The following SRGAP3 variants were observed in gnomAD, a reference collection of about 807,000 sequenced individuals.
The protein encoded by SRGAP3 is SLIT-ROBO Rho GTPase-activating protein 3.
Under a neutral mutation model 121.1 loss-of-function variants are expected in SRGAP3, and 39 were observed. The ratio of observed to expected loss-of-function variants is 0.32; its 90% CI spans 0.25 to 0.42. SRGAP3 has a LOEUF of 0.42. SRGAP3 is among the 10% of genes least tolerant of loss of function. The pLI is 1.00. For missense variants in SRGAP3, 1,213 were observed against 1,470.6 expected, an observed-to-expected ratio of 0.82 and a Z score of 2.86; for synonymous variants, 601 against 570.0, an observed-to-expected ratio of 1.05 and a Z score of -0.77.
intron 2 of SRGAP3, among the ~76,000 whole-genome samples, chr3:9,330,086 C>G (rs1454253255): frequency 6.6e-6 from 1 of 152,158 alleles, no homozygotes; most frequent in African/African-American, 2.4e-5. Context: ...ACTCAGTTTT[C>G]CAGAAATTAA....
At chr3:8,992,575 G>A (rs1942120712) in intron 20 of SRGAP3, 2 of 451,810 alleles carry the variant, frequency 4.4e-6, no homozygotes, top group Non-Finnish European at 8.2e-6. Context: ...ACAACAGAAA[G>A]CTGGAAGGAG....
chr3:9,158,580 T>G (rs993236471), intron 1 of SRGAP3, among the ~76,000 whole-genome samples: 1 of 152,142 alleles, frequency 6.6e-6, no homozygotes, highest in African/African-American at 2.4e-5. Flanking sequence ...AATTATCCCA[T>G]ATCACCTGCA....
chr3:9,073,357 CT>C (rs1247159373), intron 4 of SRGAP3, among the ~76,000 whole-genome samples: 2 of 152,220 alleles, frequency 1.3e-5, no homozygotes, highest in Admixed American at 1.3e-4. Context: ...GTTGCCCAGG[CT>C]GGTCTTGAAC....
chr3:9,056,375 C>T, intron 7 of SRGAP3, 41 bp from the exon 8 acceptor site: 1 of 1,598,644 alleles, frequency 6.3e-7, no homozygotes, highest in South Asian at 1.1e-5. Context: ...GCCCTGTGCC[C>T]TCCTCACCTG....
chr3:9,189,041 T>C lies in SRGAP3; in HGVS notation c.67+59844A>G, dbSNP rs912082180. Among the ~76,000 whole-genome samples, 3 of 152,300 alleles carry C rather than the reference T, an allele frequency of 2.0e-5. 1 individual carries two copies. Among genetic ancestry groups the C allele is most frequent in the South Asian group, 4.1e-4 (2 of 4,820 alleles). On this transcript the variant is annotated intron_variant, in intron 1 of 21. Transcript: ENST00000383836. ...CTGCTACAGGGTCTTTGTCCTTTTT[T>C]TGTAGGTTCCACTGAAGACAAAACA...
At chr3:8,996,291 T>C (rs1051271679) in intron 18 of SRGAP3, among the ~76,000 whole-genome samples, 1 of 150,508 alleles carries the variant, frequency 6.6e-6, no homozygotes, top group East Asian at 1.9e-4. Flanking sequence ...CATGGAAAAA[T>C]CAAAGAGCAG....
chr3:9,117,370 T>A (rs1948843236), intron 2 of SRGAP3, among the ~76,000 whole-genome samples: 1 of 152,226 alleles, frequency 6.6e-6, no homozygotes, highest in African/African-American at 2.4e-5. Flanking sequence ...AAGAAGTGTT[T>A]TCTTGGAAAT....
At chr3:9,062,068 G>A (rs945822140) in intron 5 of SRGAP3, among the ~76,000 whole-genome samples, 4 of 122,232 alleles carry the variant, frequency 3.3e-5, no homozygotes, top group Admixed American at 2.6e-4. Flanking sequence ...TACATCCTAC[G>A]CCAGCCATGC....
At chr3:9,334,813 C>T (rs1027903066) in intron 1 of SRGAP3, among the ~76,000 whole-genome samples, 2 of 152,182 alleles carry the variant, frequency 1.3e-5, no homozygotes, top group Admixed American at 6.5e-5. Context: ...CTACGTGGCT[C>T]TAGGAATGTC....
At chr3:9,162,389 C>A (rs1284134738) in intron 1 of SRGAP3, among the ~76,000 whole-genome samples, 1 of 151,788 alleles carries the variant, frequency 6.6e-6, no homozygotes, top group Non-Finnish European at 1.5e-5. Flanking sequence ...ATTAAGATGC[C>A]CCCTTTACAC....
At chr3:9,201,582 G>C (rs1038051542) in intron 1 of SRGAP3, among the ~76,000 whole-genome samples, 3 of 152,212 alleles carry the variant, frequency 2.0e-5, no homozygotes, top group African/African-American at 7.2e-5. Flanking sequence ...CTTGCCTTCA[G>C]GACCCTATAA....
intron 3 of SRGAP3, among the ~76,000 whole-genome samples, chr3:9,315,761 C>T (rs1458906523): frequency 1.3e-5 from 2 of 151,670 alleles, no homozygotes; most frequent in African/African-American, 2.4e-5. Flanking sequence ...AAAATGTGAG[C>T]GCCTAAATGA....
chr3:8,998,556 T>TATATATGTATATATACACATACATATAC (rs1942556517), intron 18 of SRGAP3, among the ~76,000 whole-genome samples: 4 of 6,758 alleles, frequency 5.9e-4, no homozygotes, highest in African/African-American at 0.012. Flanking sequence ...ATATATATAC[T>TATATATGTATATATACACATACATATAC]ATATATATGT....
At chr3:9,164,161 C>T (rs929829174) in intron 1 of SRGAP3, among the ~76,000 whole-genome samples, 41 of 151,626 alleles carry the variant, frequency 2.7e-4, no homozygotes, top group African/African-American at 9.7e-4. Flanking sequence ...CCACGCCTGG[C>T]TAATTCTGTA....
At chr3:9,125,023 A>G in intron 1 of SRGAP3, 106 bp from the exon 2 acceptor site, 1 of 1,322,174 alleles carries the variant, frequency 7.6e-7, no homozygotes, top group South Asian at 1.2e-5. Flanking sequence ...GCTCCCTCCT[A>G]ACACCATCCA....
rs535300772 is a variant in SRGAP3 at position 8,993,436 on chromosome 3, G to T, written c.2409-381C>A. ...GCTGAGTCTCTGTGTGACTTCATGA[G>T]AAATGGCTTCTGGCTAAGCAAGGGA... On this transcript the variant is annotated intron_variant, in intron 19 of 21. Transcript: ENST00000383836. Among the ~76,000 whole-genome samples, 15 of 152,346 alleles carry T rather than the reference G, an allele frequency of 9.8e-5. No individual in the cohort carries two copies. The East Asian group carries it at 2.9e-3, about 29-fold the overall frequency.
intron 1 of SRGAP3, among the ~76,000 whole-genome samples, chr3:9,233,912 C>G (rs1191083396): frequency 6.6e-6 from 1 of 152,240 alleles, no homozygotes; most frequent in East Asian, 1.9e-4. Context: ...TCTATGTGAA[C>G]TGGCCCACCA....
chr3:9,222,816 C>T (rs1185452848), intron 1 of SRGAP3, among the ~76,000 whole-genome samples: 2 of 152,164 alleles, frequency 1.3e-5, no homozygotes, highest in East Asian at 1.9e-4. Flanking sequence ...CATTTTGCCC[C>T]CTTCCCAAGA....
At chr3:9,025,180 C>T in intron 14 of SRGAP3, 81 bp downstream of exon 14, 2 of 1,486,684 alleles carry the variant, frequency 1.3e-6, no homozygotes, top group East Asian at 2.3e-5. Flanking sequence ...GGCTTCTGCA[C>T]ACCACTGGCT....
Sources: allele counts gnomAD v4.1 joint callset (sites outside exome capture counted in the v4.1 genomes callset), GRCh38; gene constraint gnomAD v4.1.1; transcripts MANE v1.5; gene names NCBI Gene and HGNC (gene_info 2026-07-23, HGNC 2026-07-21).